Variants in TG observed in about 807,000 individuals in gnomAD.
TG encodes the protein thyroglobulin.
TG carries 270 observed loss-of-function variants against 324.7 expected under a neutral mutation model. The observed-to-expected ratio is 0.83, with a 90% confidence interval of 0.75 to 0.92. The LOEUF (loss-of-function observed/expected upper bound fraction) is 0.92. TG is among the 40% of genes least tolerant of loss of function. The pLI is 0.00. For missense variants in TG, 3,591 were observed against 3,456.4 expected (o/e 1.04, Z -0.98); for synonymous variants, 1,401 against 1,327.0 (o/e 1.06, Z -1.21).
At chr8:132,947,094 TTGC>T (rs1167706802) in intron 26 of TG, among the ~76,000 whole-genome samples, 1 of 152,196 alleles carries the variant, frequency 6.6e-6, no homozygotes, top group Admixed American at 6.5e-5. Flanking sequence ...AGCCTGCACC[TTGC>T]TGAGGCTCTT....
intron 45 of TG, among the ~76,000 whole-genome samples, chr8:133,116,986 C>G (rs1406787363): frequency 1.3e-5 from 2 of 152,142 alleles, no homozygotes; most frequent in Non-Finnish European, 1.5e-5. Flanking sequence ...AGAGAGGAGG[C>G]TTTTTCATTT....
At position 132,963,583 on chromosome 8, in the gene TG, G is replaced by A. The variant is rs139521042; in HGVS notation, c.5548+509G>A. 2.2e-4 allele frequency among the ~76,000 whole-genome samples: 33 copies of A among 152,206 alleles called. No homozygotes were observed. In the East Asian group the frequency reaches 5.8e-3, roughly 27 times the overall value. ...GTCTGTGATTATTATTACTGAGGTGGAGCTGAAACTCAGAGAGAGAGGGAG... is the reference window on the plus strand; with the variant it reads ...GTCTGTGATTATTATTACTGAGGTGAAGCTGAAACTCAGAGAGAGAGGGAG... On this transcript the variant is annotated intron_variant, in intron 29 of 47. Coordinates refer to ENST00000220616, the MANE Select transcript of TG (RefSeq NM_003235.5).
chr8:132,994,185 C>A (rs189903412), intron 35 of TG, among the ~76,000 whole-genome samples: 1 of 152,288 alleles, frequency 6.6e-6, no homozygotes, highest in East Asian at 1.9e-4. Flanking sequence ...TTGCCTTGAA[C>A]AGGCAACTGT....
intron 6 of TG, among the ~76,000 whole-genome samples, chr8:132,882,220 C>T (rs566847564): frequency 3.9e-5 from 6 of 152,216 alleles, no homozygotes; most frequent in Non-Finnish European, 5.9e-5. Flanking sequence ...GATGCAGCCC[C>T]GAAATTGGCG....
chr8:132,900,049 C>G (rs1270822238), intron 14 of TG, among the ~76,000 whole-genome samples, 188 bp from the exon 15 acceptor site: 1 of 152,190 alleles, frequency 6.6e-6, no homozygotes, highest in Non-Finnish European at 1.5e-5. Flanking sequence ...GCTGTTGTAG[C>G]CGTCAATCAA....
intron 45 of TG, among the ~76,000 whole-genome samples, chr8:133,126,419 T>A (rs1459240674): frequency 6.6e-6 from 1 of 152,214 alleles, no homozygotes; most frequent in Non-Finnish European, 1.5e-5. Flanking sequence ...CATTTTTTTC[T>A]GGACAGCCGT....
intron 43 of TG, among the ~76,000 whole-genome samples, chr8:133,109,916 T>G (rs1242620911): frequency 6.6e-6 from 1 of 152,168 alleles, no homozygotes; most frequent in Non-Finnish European, 1.5e-5. Context: ...CATTGGTATC[T>G]TGGCTAGGGC....
At chr8:132,888,642 A>G (rs1356537871) in intron 10 of TG, 74 bp downstream of exon 10, 2 of 1,415,262 alleles carry the variant, frequency 1.4e-6, no homozygotes, top group Non-Finnish European at 1.9e-6. Context: ...TAACATATAA[A>G]AAAGGATGTC....
intron 14 of TG, 148 bp from the exon 15 acceptor site, chr8:132,900,089 G>C (rs1387750836): frequency 1.4e-6 from 1 of 694,916 alleles, no homozygotes; most frequent in African/African-American, 1.8e-5. Flanking sequence ...GGGAACAGGA[G>C]AGCACCTCTC....
chr8:133,086,599 T>C (rs576362313), intron 41 of TG, among the ~76,000 whole-genome samples: 61 of 152,292 alleles, frequency 4.0e-4, no homozygotes, highest in African/African-American at 6.5e-4. Context: ...CATAAGGAAA[T>C]CATCATGGAT....
At chr8:133,093,982 G>A (rs1464582675) in intron 41 of TG, among the ~76,000 whole-genome samples, 2 of 152,122 alleles carry the variant, frequency 1.3e-5, no homozygotes, top group African/African-American at 2.4e-5. Flanking sequence ...GCAGTAGCAG[G>A]GGTAAGAGCA....
chr8:133,077,855 A>G (rs919791620), intron 41 of TG, among the ~76,000 whole-genome samples: 9 of 151,874 alleles, frequency 5.9e-5, no homozygotes, highest in Non-Finnish European at 1.2e-4. Flanking sequence ...CCCCCTAGAC[A>G]GCAGGAGCCC....
chr8:132,923,196 G>A (rs959012433), intron 21 of TG, 142 bp from the exon 22 acceptor site: 6 of 942,122 alleles, frequency 6.4e-6, no homozygotes, highest in East Asian at 2.6e-5. Context: ...CAGAACAGTG[G>A]GAACACTGAA....
intron 41 of TG, among the ~76,000 whole-genome samples, chr8:133,071,119 T>G (rs2741208): frequency 0.6 from 91,189 of 152,056 alleles, 27,744 homozygotes; most frequent in East Asian, 0.79. Context: ...ATTGGTGCCG[T>G]CCCTTGATGA....
At position 133,029,903 on chromosome 8, in the gene TG, T is replaced by C; in HGVS notation, c.7119T>C (p.Phe2373=). 1 of 1,614,176 alleles carries C rather than the reference T, an allele frequency of 6.2e-7. No individual in the cohort carries two copies. Among genetic ancestry groups the C allele is most frequent in the Non-Finnish European group, 8.5e-7 (1 of 1,180,024 alleles). Residue 2373 remains phenylalanine (F), a synonymous_variant, in exon 41 of 48, where the codon TTT becomes TTC. Coordinates refer to ENST00000220616, the MANE Select transcript of TG (RefSeq NM_003235.5). ...GGGTGCAGACCCACATCCGAGGATT[T>C]GGCGGGGACCCTCGGCGCGTGTCCC... ...LTWVQTHIRG[F]GGDPRRVSLA... is the part of the protein sequence containing the mutation.
At chr8:133,012,155 A>T in intron 36 of TG, 120 bp downstream of exon 36, 1 of 1,448,800 alleles carries the variant, frequency 6.9e-7, no homozygotes, top group African/African-American at 1.4e-5. Flanking sequence ...CTTGGAAGTA[A>T]GGGATTAACC....
intron 22 of TG, among the ~76,000 whole-genome samples, chr8:132,927,955 A>G (rs1277248505): frequency 6.6e-6 from 1 of 152,192 alleles, no homozygotes; most frequent in East Asian, 1.9e-4. Context: ...GAAATTGGCA[A>G]CTTCAGCAAT....
At position 132,973,181 on chromosome 8, in the gene TG, G is replaced by C. The variant is rs373114106; in HGVS notation, c.6199+440G>C. Among the ~76,000 whole-genome samples, 8 of 152,300 alleles carry C rather than the reference G, an allele frequency of 5.3e-5. No homozygotes were observed. In the South Asian group the frequency reaches 8.3e-4, roughly 16 times the overall value. On this transcript the variant is annotated intron_variant, in intron 34 of 47. Transcript: ENST00000220616. ...AACAAGATGGTATGCACTAGGATAG[G>C]GGGTGTTCCTCAAACAGTAGTGAAG...
At chr8:132,920,192 G>A (rs1216232094) in intron 21 of TG, among the ~76,000 whole-genome samples, 3 of 152,172 alleles carry the variant, frequency 2.0e-5, no homozygotes, top group Admixed American at 6.5e-5. Flanking sequence ...CATATGTCAC[G>A]TGATTTCACT....
Sources: allele counts gnomAD v4.1 joint callset (sites outside exome capture counted in the v4.1 genomes callset), GRCh38; gene constraint gnomAD v4.1.1; transcripts MANE v1.5; gene names NCBI Gene and HGNC (gene_info 2026-07-23, HGNC 2026-07-21).